The following EYS variants were observed in gnomAD, a reference collection of about 807,000 sequenced individuals.
The protein encoded by EYS is EGF-like photoreceptor maintenance factor.
EYS carries 250 observed loss-of-function variants against 282.1 expected under a neutral mutation model. The ratio of observed to expected loss-of-function variants is 0.89; its 90% confidence interval spans 0.80 to 0.98. The LOEUF (loss-of-function observed/expected upper bound fraction) is 0.98. EYS is among the 50% of genes least tolerant of loss of function. EYS has a pLI of 0.00. For synonymous variants in EYS, 1,355 were observed against 1,282.9 expected (o/e 1.06, Z -1.20); for missense variants, 4,016 against 3,709.0 (o/e 1.08, Z -2.15).
At chr6:64,547,134 G>A (rs1050527412) in intron 26 of EYS, among the ~76,000 whole-genome samples, 1 of 152,156 alleles carries the variant, frequency 6.6e-6, no homozygotes, top group Non-Finnish European at 1.5e-5. Context: ...GAGTGTTACA[G>A]CTCATAAAGG....
intron 31 of EYS, among the ~76,000 whole-genome samples, chr6:64,135,523 G>A (rs1395286266): frequency 2.6e-5 from 4 of 152,012 alleles, no homozygotes; most frequent in Non-Finnish European, 5.9e-5. Flanking sequence ...AGGGAGAAAA[G>A]TGTTTGGATA....
intron 26 of EYS, among the ~76,000 whole-genome samples, chr6:64,576,472 G>A (rs538316050): frequency 1.4e-3 from 210 of 152,110 alleles, no homozygotes; most frequent in Non-Finnish European, 2.3e-3. Flanking sequence ...AATAACATCT[G>A]TCCAGGGCCA....
chr6:65,310,323 G>A (rs1769122191), intron 11 of EYS, among the ~76,000 whole-genome samples: 1 of 152,052 alleles, frequency 6.6e-6, no homozygotes, highest in Non-Finnish European at 1.5e-5. Context: ...CAGCCTGGGT[G>A]ATGGAGTGAG....
chr6:64,905,258 A>G (rs1298738890), intron 16 of EYS, among the ~76,000 whole-genome samples: 2 of 152,216 alleles, frequency 1.3e-5, no homozygotes, highest in African/African-American at 4.8e-5. Context: ...TACATATTCT[A>G]TAATCCTTAA....
chr6:64,718,441 A>C (rs574236338), intron 22 of EYS, among the ~76,000 whole-genome samples: 1 of 152,144 alleles, frequency 6.6e-6, no homozygotes, highest in East Asian at 1.9e-4. Context: ...GGTAAAATAC[A>C]TATTTCATGT....
intron 19 of EYS, among the ~76,000 whole-genome samples, chr6:64,854,157 G>C (rs113193663): frequency 2.1e-3 from 323 of 152,246 alleles, no homozygotes; most frequent in African/African-American, 7.0e-3. Flanking sequence ...TGCTGGGACT[G>C]TAAACTAGTT....
intron 33 of EYS, among the ~76,000 whole-genome samples, chr6:64,021,620 G>C (rs1769195615): frequency 6.6e-6 from 1 of 152,138 alleles, no homozygotes; most frequent in Admixed American, 6.5e-5. Flanking sequence ...TTCTACAATG[G>C]ATGAATTGAA....
rs142305411 is a variant in EYS, at chr6:65,493,457, T to G, written c.748+1206A>C. On this transcript the variant is annotated intron_variant, in intron 4 of 42. Transcript: ENST00000503581. ...AGCTGTGTCAAATATTTCTCTTTGT[T>G]AGATCATCGTGGTCTTATTTCACTT... Among the ~76,000 whole-genome samples, 27 of 152,316 alleles carry G rather than the reference T, an allele frequency of 1.8e-4. No individual in the cohort carries two copies. The East Asian group carries it at 5.0e-3, about 28-fold the overall frequency.
At position 64,593,302 on chromosome 6, in the gene EYS, G is replaced by GAGC. The variant is rs1766470895; in HGVS notation, c.3689_3691dup (p.Cys1230dup). On this transcript the variant is annotated inframe_insertion, in exon 25 of 43. Coordinates refer to ENST00000503581, the MANE Select transcript of EYS (RefSeq NM_001142800.2). ...TTCATCACCACAAAGAAGCCCAATGGAGCAGGTCTGCAAATGACAATTACA... is the reference window on the plus strand; with the variant it reads ...TTCATCACCACAAAGAAGCCCAATGGAGCAGCAGGTCTGCAAATGACAATTACA... The GAGC allele has an allele frequency of 1.3e-6, 2 of 1,548,496 alleles. No individual in the cohort carries two copies. Among genetic ancestry groups the GAGC allele is most frequent in the East Asian group, 4.9e-5 (2 of 40,714 alleles).
Position 64,508,423 on chromosome 6 carries a change from G to C in EYS, c.5645-69071C>G, listed in dbSNP as rs937549178. ...TAAATATGCAGTTGTTTGTATTCTG[G>C]GTCTGTTTCTCCAACCTTAAAATGA... On this transcript the variant is annotated intron_variant, in intron 26 of 42. Transcript: ENST00000503581. Among the ~76,000 whole-genome samples, 8 of 151,752 alleles carry C rather than the reference G, an allele frequency of 5.3e-5. No homozygotes were observed. The South Asian group carries it at 1.7e-3, about 32-fold the overall frequency.
At chr6:64,895,932 G>A (rs993061120) in intron 18 of EYS, among the ~76,000 whole-genome samples, 3 of 151,942 alleles carry the variant, frequency 2.0e-5, no homozygotes, top group Admixed American at 1.3e-4. Context: ...TAAATAAGAT[G>A]AAACTTGCAA....
intron 31 of EYS, among the ~76,000 whole-genome samples, chr6:64,184,465 TGTAA>T (rs1289952858): frequency 6.6e-6 from 1 of 152,114 alleles, no homozygotes; most frequent in Non-Finnish European, 1.5e-5. Flanking sequence ...ACTTCACTTC[TGTAA>T]GTAAGAAAAA....
chr6:65,242,011 AG>A (rs1210373369), intron 12 of EYS, among the ~76,000 whole-genome samples: 1 of 152,136 alleles, frequency 6.6e-6, no homozygotes, highest in Non-Finnish European at 1.5e-5. Flanking sequence ...TGCAAATTCC[AG>A]CAAAATTCCT....
chr6:65,636,600 A>G (rs1767098509), intron 2 of EYS, among the ~76,000 whole-genome samples: 1 of 152,168 alleles, frequency 6.6e-6, no homozygotes, highest in Admixed American at 6.5e-5. Flanking sequence ...GGAAAATAAA[A>G]ATAAAAATAA....
Position 64,563,156 on chromosome 6 carries a change from G to A in EYS, c.5644+27067C>T, listed in dbSNP as rs142662187. On this transcript the variant is annotated intron_variant, in intron 26 of 42. Coordinates refer to ENST00000503581, the MANE Select transcript of EYS (RefSeq NM_001142800.2). ...TTTATATAATCAAAATGACTAATTT[G>A]GTTGGCTAGGAAAGGTCAATGACCA... Among the ~76,000 whole-genome samples the A allele has an allele frequency of 2.5e-3, 378 of 151,984 alleles. 1 individual carries two copies. Among genetic ancestry groups the A allele is most frequent in the Non-Finnish European group, 3.8e-3 (255 of 67,870 alleles).
chr6:65,523,514 G>T (rs765226818), intron 2 of EYS, among the ~76,000 whole-genome samples: 39 of 152,128 alleles, frequency 2.6e-4, no homozygotes, highest in Non-Finnish European at 4.6e-4. Flanking sequence ...CAGTTGTTAT[G>T]AAGAATGAGG....
At chr6:64,432,557 T>TA (rs1774606135) in intron 28 of EYS, among the ~76,000 whole-genome samples, 2 of 150,854 alleles carry the variant, frequency 1.3e-5, no homozygotes, top group African/African-American at 2.4e-5. Context: ...TAATATATAT[T>TA]ATAGTGTAAT....
At chr6:64,651,156 C>T (rs1247591530) in intron 22 of EYS, among the ~76,000 whole-genome samples, 1 of 151,962 alleles carries the variant, frequency 6.6e-6, no homozygotes, top group Non-Finnish European at 1.5e-5. Flanking sequence ...AAAAGGTCCA[C>T]ATGAATATTA....
At chr6:64,295,095 C>A (rs191461485) in intron 30 of EYS, among the ~76,000 whole-genome samples, 5 of 151,658 alleles carry the variant, frequency 3.3e-5, no homozygotes, top group Admixed American at 1.3e-4. Context: ...ATGGGTCTGG[C>A]CGGGCACGGT....
Sources: allele counts gnomAD v4.1 joint callset (sites outside exome capture counted in the v4.1 genomes callset), GRCh38; gene constraint gnomAD v4.1.1; transcripts MANE v1.5; gene names NCBI Gene and HGNC (gene_info 2026-07-23, HGNC 2026-07-21).